The following MED12L variants were observed in gnomAD, a reference collection of about 807,000 sequenced individuals.
The protein encoded by MED12L is mediator complex subunit 12L.
MED12L carries 60 observed loss-of-function variants against 281.3 expected under a neutral mutation model. The observed-to-expected ratio is 0.21, with a 90% confidence interval of 0.17 to 0.26. MED12L has a LOEUF of 0.26. Among genes scored for constraint, MED12L ranks in the 10% least tolerant of loss-of-function variants. The probability of loss-of-function intolerance (pLI) is 1.00; values close to 1 mark genes in which losing one functional copy is unlikely to be tolerated. For missense variants in MED12L, 2,146 were observed against 2,680.9 expected, an observed-to-expected ratio of 0.80 and a Z score of 4.41; for synonymous variants, 974 against 987.2, an observed-to-expected ratio of 0.99 and a Z score of 0.25.
chr3:151,354,016 C>CT (rs569745658), intron 17 of MED12L, among the ~76,000 whole-genome samples: 69,532 of 148,956 alleles, frequency 0.47, 17,785 homozygotes, highest in African/African-American at 0.67. Context: ...TGGCGGGCGC[C>CT]TGTAGTCCCA....
chr3:151,393,013 C>G lies in MED12L; in HGVS notation c.5609-1643C>G, dbSNP rs577977545. Among the ~76,000 whole-genome samples the G allele has an allele frequency of 1.4e-3, 212 of 152,270 alleles. 1 individual carries two copies. The highest frequency in any genetic ancestry group is 2.1e-3 in the Non-Finnish European group (140 of 68,020). On this transcript the variant is annotated intron_variant, in intron 38 of 44. Transcript: ENST00000687756. ...GATTGTTGCTTCAATAGAAGTTACC[C>G]AGCCATGTGTTACTTAGATTGATCT... is the stretch of plus-strand genomic sequence containing the variant.
chr3:151,276,147 G>A (rs1465772224), intron 16 of MED12L, among the ~76,000 whole-genome samples: 1 of 152,198 alleles, frequency 6.6e-6, no homozygotes, highest in Non-Finnish European at 1.5e-5. Context: ...CCAGGACATG[G>A]GGTCACCCAA....
chr3:151,281,750 CT>C (rs1234878928), intron 16 of MED12L, among the ~76,000 whole-genome samples: 1 of 152,186 alleles, frequency 6.6e-6, no homozygotes, highest in Non-Finnish European at 1.5e-5. Context: ...ACAACCACCC[CT>C]AGCCCACCCC....
intron 39 of MED12L, among the ~76,000 whole-genome samples, chr3:151,397,186 A>G (rs1032755948): frequency 6.6e-6 from 1 of 152,146 alleles, no homozygotes; most frequent in Non-Finnish European, 1.5e-5. Context: ...TAAAAGCTCC[A>G]CTTCATAACA....
intron 16 of MED12L, among the ~76,000 whole-genome samples, chr3:151,227,105 C>T (rs552953606): frequency 1.1e-4 from 16 of 152,312 alleles, no homozygotes; most frequent in African/African-American, 2.9e-4. Context: ...TGTGACCCAT[C>T]GACTTTACCT....
intron 36 of MED12L, among the ~76,000 whole-genome samples, chr3:151,386,896 A>G (rs1577529624): frequency 6.6e-6 from 1 of 151,918 alleles, no homozygotes; most frequent in East Asian, 1.9e-4. Context: ...CTTAGTAGAG[A>G]CGGGGTTTCA....
chr3:151,294,613 G>A (rs750502138), intron 16 of MED12L: 68 of 1,614,054 alleles, frequency 4.2e-5, no homozygotes, highest in Non-Finnish European at 5.6e-5. Flanking sequence ...ACAAGCAGCT[G>A]TTCACATAGG....
intron 16 of MED12L, among the ~76,000 whole-genome samples, chr3:151,217,469 C>A (rs1218849848): frequency 6.6e-6 from 1 of 152,242 alleles, no homozygotes; most frequent in Non-Finnish European, 1.5e-5. Context: ...AAGGGACTGA[C>A]TGACCAAGGT....
chr3:151,239,791 A>G (rs1192313431), intron 16 of MED12L, among the ~76,000 whole-genome samples: 1 of 152,162 alleles, frequency 6.6e-6, no homozygotes, highest in African/African-American at 2.4e-5. Flanking sequence ...TGCTTGTTTT[A>G]GCACTCCAGC....
rs1559860414 is a variant in MED12L at position 151,192,550 on chromosome 3, G to T, written c.1969G>T (p.Glu657Ter). The T allele has an allele frequency of 3.9e-6, 6 of 1,529,102 alleles. No homozygotes were observed. The highest frequency in any genetic ancestry group is 2.7e-5 in the African/African-American group (2 of 73,026). The allele number at this position is 1,529,102 out of a possible 1,614,324, so 94.7% of individuals were successfully genotyped here. ...ACTTTCTTTCTCTGGCGATTATCAG[G>T]AACAGAGTATTATGGCGCATATGGG... ...YSKDHDVKME[E>*]QSIMAHMGID... Residue 657 changes from glutamate (E) to a stop codon, truncating the protein, a stop_gained and splice_region_variant, in exon 15 of 45, where the codon GAA (glutamate) becomes TAA (stop). Transcript: ENST00000687756. LOFTEE classifies it high-confidence loss of function.
intron 16 of MED12L, among the ~76,000 whole-genome samples, chr3:151,302,829 T>TAAA (rs1369843417): frequency 1.3e-5 from 2 of 152,150 alleles, no homozygotes; most frequent in Non-Finnish European, 2.9e-5. Context: ...CTGGAGTTTA[T>TAAA]AAAGAAGAGA....
intron 10 of MED12L, 58 bp from the exon 11 acceptor site, chr3:151,165,788 G>C (rs1576869412): frequency 6.5e-7 from 1 of 1,547,608 alleles, no homozygotes; most frequent in East Asian, 2.2e-5. Context: ...ATTTTGTACT[G>C]TGTTATAACT....
intron 16 of MED12L, among the ~76,000 whole-genome samples, chr3:151,216,328 T>A (rs547144902): frequency 6.6e-5 from 10 of 152,298 alleles, no homozygotes; most frequent in African/African-American, 2.2e-4. Context: ...TGCATCTTTT[T>A]CATCTGTATT....
At chr3:151,183,127 AAAAC>A (rs1391177704) in intron 11 of MED12L, among the ~76,000 whole-genome samples, 1 of 151,992 alleles carries the variant, frequency 6.6e-6, no homozygotes, top group East Asian at 1.9e-4. Flanking sequence ...TTTTTTCCCC[AAAAC>A]AAACAGTGTT....
chr3:151,365,621 A>G (rs949954394), intron 22 of MED12L, among the ~76,000 whole-genome samples: 3 of 152,160 alleles, frequency 2.0e-5, no homozygotes, highest in African/African-American at 4.8e-5. Flanking sequence ...TAATTCGTGT[A>G]TGTACTGATT....
At chr3:151,108,707 A>G (rs1398477630) in intron 2 of MED12L, among the ~76,000 whole-genome samples, 1 of 152,162 alleles carries the variant, frequency 6.6e-6, no homozygotes, top group Non-Finnish European at 1.5e-5. Flanking sequence ...GGTTTGTTAG[A>G]TGTGACTAGG....
intron 39 of MED12L, 113 bp downstream of exon 39, chr3:151,394,980 T>G: frequency 7.4e-7 from 1 of 1,349,298 alleles, no homozygotes; most frequent in Admixed American, 2.1e-5. Flanking sequence ...TGTATACTTG[T>G]GTGAGTGCAG....
In MED12L at chr3:151,327,936, C is replaced by A; in HGVS notation, c.2251-22123C>A. On this transcript the variant is annotated intron_variant, in intron 16 of 44. Coordinates refer to ENST00000687756, the MANE Select transcript of MED12L (RefSeq NM_001393769.1). ...TTTTTTCTTGGTTAAATTTGATTTC[C>A]ACATTATCTACGGAAGTCTCATCAA... 6 of 1,242,770 alleles carry A rather than the reference C, an allele frequency of 4.8e-6. No individual in the cohort carries two copies. In the South Asian group the frequency reaches 7.0e-5, roughly 15 times the overall value. 77.0% of individuals were successfully genotyped at this position (1,242,770 alleles called of 1,614,324 possible).
At chr3:151,255,514 T>C (rs1184570470) in intron 16 of MED12L, among the ~76,000 whole-genome samples, 2 of 152,068 alleles carry the variant, frequency 1.3e-5, no homozygotes, top group Non-Finnish European at 2.9e-5. Flanking sequence ...GGTTCTGCCA[T>C]GGCTGGGGAG....
Sources: gnomAD v4.1 joint callset for allele counts (sites outside exome capture counted in the v4.1 genomes callset) on GRCh38, gnomAD v4.1.1 for gene constraint, MANE v1.5 for transcripts, NCBI Gene and HGNC (gene_info 2026-07-23, HGNC 2026-07-21) for gene names.